PRIM2: variants seen among roughly 807,000 people sequenced by gnomAD.
The protein encoded by PRIM2 is DNA primase subunit 2.
Under a neutral mutation model 67.3 loss-of-function variants are expected in PRIM2, and 39 were observed. The ratio of observed to expected loss-of-function variants is 0.58; its 90% CI spans 0.45 to 0.76. PRIM2 has a LOEUF of 0.76. Among genes scored for constraint, PRIM2 ranks in the 30% least tolerant of loss-of-function variants. The pLI, the probability that PRIM2 is intolerant of heterozygous loss-of-function variation, is 0.00. For missense variants in PRIM2, 398 were observed against 598.7 expected (o/e 0.66, Z 3.50); for synonymous variants, 143 against 198.7 (o/e 0.72, Z 2.36).
intron 10 of PRIM2, among the ~76,000 whole-genome samples, chr6:57,561,660 A>G (rs1265374124): frequency 1.3e-5 from 2 of 152,158 alleles, no homozygotes; most frequent in African/African-American, 2.4e-5. Context: ...TTAATCTTCC[A>G]TCTAGACTAC....
the PRIM2 span, among the ~76,000 whole-genome samples, chr6:57,303,353 A>T: frequency 2.0e-5 from 3 of 151,948 alleles, no homozygotes; most frequent in Non-Finnish European, 4.4e-5. Context: ...CATCATATTT[A>T]TTTATATTTT....
chr6:57,555,131 C>T (rs1775485763), intron 10 of PRIM2, among the ~76,000 whole-genome samples: 1 of 152,192 alleles, frequency 6.6e-6, no homozygotes, highest in South Asian at 2.1e-4. Flanking sequence ...AAACATTTAA[C>T]ATTTTAAGTG....
chr6:57,589,117 A>G (rs1238767229), intron 10 of PRIM2, among the ~76,000 whole-genome samples: 1 of 152,180 alleles, frequency 6.6e-6, no homozygotes, highest in African/African-American at 2.4e-5. Flanking sequence ...AGTTTTTTCA[A>G]AGCAAAGGGA....
rs71687266 is a variant in PRIM2 at position 57,430,447 on chromosome 6, G to GTTT, written c.693+48301_693+48303dup. 4.1e-3 allele frequency among the ~76,000 whole-genome samples: 322 copies of GTTT among 78,164 alleles called. 8 individuals carry two copies. Among genetic ancestry groups the GTTT allele is most frequent in the Middle Eastern group, 0.014 (1 of 74 alleles). The allele number at this position is 78,164 out of a possible 152,430, so 51.3% of individuals were successfully genotyped here. A position where few individuals can be genotyped will look rare whatever the true frequency, so the allele number is the denominator to read the frequency against. On this transcript the variant is annotated intron_variant, in intron 7 of 13. Transcript: ENST00000615550. ...GCTTTGTATAGGAGTTTCTTTCTTTGTTTTTTTTTTTTTTTTTTTTTTTTG... is the reference window on the plus strand; with the variant it reads ...GCTTTGTATAGGAGTTTCTTTCTTTGTTTTTTTTTTTTTTTTTTTTTTTTTTTG...
chr6:57,488,615 CA>C (rs1272849059), intron 7 of PRIM2, among the ~76,000 whole-genome samples: 2 of 152,178 alleles, frequency 1.3e-5, no homozygotes, highest in Non-Finnish European at 2.9e-5. Context: ...TGGAGGACAG[CA>C]AGGAGCATAA....
chr6:57,592,062 A>G (rs1776290602), intron 10 of PRIM2, among the ~76,000 whole-genome samples: 1 of 152,186 alleles, frequency 6.6e-6, no homozygotes. Flanking sequence ...GTGAATTAAC[A>G]CAGGAACAGA....
intron 10 of PRIM2, among the ~76,000 whole-genome samples, chr6:57,587,371 A>C (rs1344775367): frequency 1.3e-5 from 2 of 152,160 alleles, no homozygotes; most frequent in East Asian, 3.9e-4. Flanking sequence ...AATATTATAA[A>C]AGGCAGAACA....
chr6:57,617,869 C>A lies in PRIM2; in HGVS notation c.1230+11412C>A, dbSNP rs1461997871. 1.1e-4 allele frequency among the ~76,000 whole-genome samples: 16 copies of A among 152,216 alleles called. No homozygotes were observed. The South Asian group carries it at 3.1e-3, about 30-fold the overall frequency. The stretch of plus-strand genomic sequence containing the variant: ...GGCTTTGTATAAAAGTATTATAGCT[C>A]TAGCTTTTATATTTAGGTCATTGAT... On this transcript the variant is annotated intron_variant, in intron 12 of 13. Coordinates refer to ENST00000615550, the MANE Select transcript of PRIM2 (RefSeq NM_000947.5).
At chr6:57,226,427 A>G in the PRIM2 span, among the ~76,000 whole-genome samples, 17,137 of 152,286 alleles carry the variant, frequency 0.11, 1,068 homozygotes, top group Middle Eastern at 0.25. Flanking sequence ...GGCCTGAGGC[A>G]GCAAACAATT....
At chr6:57,601,642 T>C (rs1353077821) in intron 11 of PRIM2, among the ~76,000 whole-genome samples, 4 of 152,160 alleles carry the variant, frequency 2.6e-5, no homozygotes, top group African/African-American at 9.7e-5. Context: ...GAGGTTTTTT[T>C]CTTATCACCA....
intron 7 of PRIM2, among the ~76,000 whole-genome samples, chr6:57,396,374 G>T (rs1423356836): frequency 3.3e-5 from 5 of 152,260 alleles, no homozygotes; most frequent in Admixed American, 2.6e-4. Flanking sequence ...ATATTTTCCT[G>T]TTGGACAAGG....
the PRIM2 span, among the ~76,000 whole-genome samples, chr6:57,296,301 G>T: frequency 1.3e-5 from 2 of 151,984 alleles, no homozygotes; most frequent in Non-Finnish European, 1.5e-5. Context: ...TTTCACAGGG[G>T]TATGAAATGG....
In PRIM2 at chr6:57,363,749, T is replaced by G. The variant is rs568642934; in HGVS notation, c.460-16152T>G. ...TGTCTAGGAGTAGAATTCTTTTTAT[T>G]TATCCTGCTTGAGTTTCACCAGCGT... On this transcript the variant is annotated intron_variant, in intron 5 of 13. Coordinates refer to ENST00000615550, the MANE Select transcript of PRIM2 (RefSeq NM_000947.5). 2.0e-5 allele frequency among the ~76,000 whole-genome samples: 3 copies of G among 152,220 alleles called. No individual in the cohort carries two copies. In the South Asian group the frequency reaches 6.2e-4, roughly 32 times the overall value.
chr6:57,386,791 GA>G (rs1770170441), intron 7 of PRIM2, among the ~76,000 whole-genome samples: 1 of 151,158 alleles, frequency 6.6e-6, no homozygotes, highest in South Asian at 2.1e-4. Flanking sequence ...GTATGTAATT[GA>G]AAACTTTCAG....
the PRIM2 span, among the ~76,000 whole-genome samples, chr6:57,264,336 T>A: frequency 6.6e-6 from 1 of 152,288 alleles, no homozygotes; most frequent in South Asian, 2.1e-4. Context: ...AGTGGTAGCT[T>A]TCTTGCTTAA....
chr6:57,487,117 A>T (rs1773772205), intron 7 of PRIM2, among the ~76,000 whole-genome samples: 1 of 152,226 alleles, frequency 6.6e-6, no homozygotes, highest in Non-Finnish European at 1.5e-5. Context: ...TCCCCTAGAA[A>T]GTTACAACAA....
intron 7 of PRIM2, among the ~76,000 whole-genome samples, chr6:57,454,909 T>C (rs1052691876): frequency 2.6e-5 from 4 of 152,226 alleles, no homozygotes; most frequent in Non-Finnish European, 4.4e-5. Flanking sequence ...TCCTGCTTTG[T>C]CATGTGGGCA....
Position 57,642,632 on chromosome 6 carries a change from G to A in PRIM2, c.1300-3296G>A, listed in dbSNP as rs1777263727. 3.3e-5 allele frequency among the ~76,000 whole-genome samples: 5 copies of A among 151,338 alleles called. No homozygotes were observed. In the South Asian group the frequency reaches 1.0e-3, roughly 32 times the overall value. On this transcript the variant is annotated intron_variant, in intron 13 of 13. Coordinates refer to ENST00000615550, the MANE Select transcript of PRIM2 (RefSeq NM_000947.5). ...TAATTTTTGTATTTTTAGTAGAGAC[G>A]GGGTTTCACCGTGTTAGCCAGGATG...
In PRIM2 at chr6:57,318,511, C is replaced by T; in HGVS notation, c.66C>T (p.Tyr22=). The change falls in exon 2 of 14, where the codon TAC becomes TAT. Residue 22 remains tyrosine (Y), a synonymous_variant. Transcript: ENST00000615550. ...CAGGTGACCAGAGGAATGCTTCCTA[C>T]CCTCATTGCCTTCAGTTTTACTTGC... The part of the protein sequence containing the change: ...RLAGDQRNAS[Y]PHCLQFYLQP... The T allele has an allele frequency of 6.2e-7, 1 of 1,606,618 alleles. No homozygotes were observed. Among genetic ancestry groups the T allele is most frequent in the Non-Finnish European group, 8.5e-7 (1 of 1,176,200 alleles).
Sources: allele counts gnomAD v4.1 joint callset (sites outside exome capture counted in the v4.1 genomes callset), GRCh38; gene constraint gnomAD v4.1.1; transcripts MANE v1.5; gene names NCBI Gene and HGNC (gene_info 2026-07-23, HGNC 2026-07-21).